Variants in VAV1 observed in about 807,000 individuals in gnomAD.
VAV1 encodes the protein proto-oncogene vav.
VAV1 carries 33 observed loss-of-function variants against 128.1 expected under a neutral mutation model. The ratio of observed to expected loss-of-function variants is 0.26; its 90% confidence interval spans 0.20 to 0.34. VAV1 has a LOEUF of 0.34. Among genes scored for constraint, VAV1 ranks in the 10% least tolerant of loss-of-function variants. The pLI, the probability that VAV1 is intolerant of heterozygous loss-of-function variation, is 1.00. For synonymous variants in VAV1, 394 were observed against 409.8 expected (o/e 0.96, Z 0.47); for missense variants, 715 against 1,093.7 (o/e 0.65, Z 4.88).
At chr19:6,773,842 C>T (rs1970557287) in intron 1 of VAV1, among the ~76,000 whole-genome samples, 1 of 152,042 alleles carries the variant, frequency 6.6e-6, no homozygotes, top group Non-Finnish European at 1.5e-5. Context: ...TGTCTGGTTC[C>T]CCAGGGCTGC....
In VAV1 at chr19:6,772,801, G is replaced by C. The variant is rs771873669; in HGVS notation, c.-7G>C. ...GGTGCACGGCCGGCCCTGGGCAGGC[G>C]GTAGCCATGGAGCTGTGGCGCCAAT... On this transcript the variant is annotated 5_prime_UTR_variant, in exon 1 of 27. Transcript: ENST00000602142. This position sits in a 1 kb window ranked among gnomAD's most constrained non-coding sequence, Gnocchi z 4.8. 2 of 1,612,078 alleles carry C rather than the reference G, an allele frequency of 1.2e-6. No individual in the cohort carries two copies. Among genetic ancestry groups the C allele is most frequent in the Non-Finnish European group, 1.7e-6 (2 of 1,179,344 alleles).
At chr19:6,817,060 T>A (rs959515486) in intron 1 of VAV1, among the ~76,000 whole-genome samples, 17 of 151,858 alleles carry the variant, frequency 1.1e-4, no homozygotes, top group African/African-American at 3.6e-4. Context: ...ATTTTTTTTT[T>A]CTTTTGAGAT....
intron 1 of VAV1, among the ~76,000 whole-genome samples, chr19:6,813,358 A>G (rs1298387669): frequency 6.6e-6 from 1 of 152,182 alleles, no homozygotes; most frequent in East Asian, 1.9e-4. Context: ...GAGCTTCGAT[A>G]TGTTTCATTA....
rs1451124210 is a variant in VAV1 at position 6,853,099 on chromosome 19, G to A, written c.2332+20G>A. ...CAGCAGGTAGGAGGTCTCAGACTGG[G>A]GGCTTACAGCCTCAGCCCCTTCCCA... On this transcript the variant is annotated intron_variant, in intron 25 of 26. Coordinates refer to ENST00000602142, the MANE Select transcript of VAV1 (RefSeq NM_005428.4). 3 of 1,606,896 alleles carry A rather than the reference G, an allele frequency of 1.9e-6. No homozygotes were observed. The highest frequency in any genetic ancestry group is 2.2e-5 in the South Asian group (2 of 90,890).
chr19:6,814,669 T>TC (rs1971587510), intron 1 of VAV1, among the ~76,000 whole-genome samples: 1 of 99,654 alleles, frequency 1.0e-5, no homozygotes, highest in African/African-American at 5.7e-5. Flanking sequence ...CCTTCCTTCC[T>TC]TCCTTTCTTT....
At chr19:6,829,260 C>G (rs1163007603) in intron 13 of VAV1, among the ~76,000 whole-genome samples, 2 of 148,386 alleles carry the variant, frequency 1.3e-5, no homozygotes. Context: ...TGGAGCAAAC[C>G]ATATCTGTGG....
At chr19:6,800,083 A>C (rs1971232326) in intron 1 of VAV1, among the ~76,000 whole-genome samples, 1 of 151,818 alleles carries the variant, frequency 6.6e-6, no homozygotes, top group Non-Finnish European at 1.5e-5. Flanking sequence ...GGATTGCTGG[A>C]GCCTAGGAGT....
chr19:6,815,535 C>A (rs776213387), intron 1 of VAV1, among the ~76,000 whole-genome samples: 2 of 152,160 alleles, frequency 1.3e-5, no homozygotes, highest in African/African-American at 4.8e-5. Context: ...GTTCATGTTC[C>A]ATATGCAATG....
intron 21 of VAV1, among the ~76,000 whole-genome samples, chr19:6,840,893 C>G (rs1333044074): frequency 1.3e-5 from 2 of 152,020 alleles, no homozygotes; most frequent in African/African-American, 4.8e-5. Flanking sequence ...GATTCTCCCA[C>G]TTCAGCCTCG....
chr19:6,833,937 A>G lies in VAV1; in HGVS notation c.1761A>G (p.Lys587=). The change falls in exon 19 of 27, where the codon AAA becomes AAG. Residue 587 remains lysine, a synonymous_variant. Coordinates refer to ENST00000602142, the MANE Select transcript of VAV1 (RefSeq NM_005428.4). ...KDKLHRRAQD[K]KRNELGLPKM... is the part of the protein sequence containing the mutation. ...AACTACATCGCAGGGCTCAGGACAAAAAGAGGAATGAGCTGGGTGAGTTGG... is the reference window on the plus strand; with the variant it reads ...AACTACATCGCAGGGCTCAGGACAAGAAGAGGAATGAGCTGGGTGAGTTGG... 3.1e-6 allele frequency: 5 copies of G among 1,614,032 alleles called. No homozygotes were observed. The highest frequency in any genetic ancestry group is 4.2e-6 in the Non-Finnish European group (5 of 1,180,016).
intron 19 of VAV1, among the ~76,000 whole-genome samples, chr19:6,834,246 A>T (rs115959759): frequency 0.015 from 2,298 of 151,432 alleles, 62 homozygotes; most frequent in African/African-American, 0.048. Flanking sequence ...TTAATTAATT[A>T]ATTTATTTAT....
chr19:6,830,990 G>A (rs892781725), intron 14 of VAV1, among the ~76,000 whole-genome samples: 4 of 152,150 alleles, frequency 2.6e-5, no homozygotes, highest in African/African-American at 9.7e-5. Context: ...TACATGGGAG[G>A]CTGAGGTGGG....
intron 1 of VAV1, among the ~76,000 whole-genome samples, chr19:6,814,490 C>T (rs747654381): frequency 1.3e-5 from 2 of 151,930 alleles, no homozygotes; most frequent in Non-Finnish European, 2.9e-5. Context: ...ACACTTAGTA[C>T]ACTTTGTATA....
Position 6,822,008 on chromosome 19 carries a change from C to A in VAV1, c.449+149C>A. The A allele has an allele frequency of 8.5e-7, 1 of 1,179,960 alleles. No individual in the cohort carries two copies. Among genetic ancestry groups the A allele is most frequent in the Non-Finnish European group, 1.2e-6 (1 of 806,248 alleles). The allele number at this position is 1,179,960 out of a possible 1,614,324, so 73.1% of individuals were successfully genotyped here. On this transcript the variant is annotated intron_variant, in intron 4 of 26. Transcript: ENST00000602142. The surrounding 1 kb of genome is among the most constrained non-coding windows in gnomAD (Gnocchi z 5.9). ...CCTTGCCTGAGAGTCTGGGGAGACA[C>A]AGCCCTGCCCTGGGGTCTTGGGGGA...
At chr19:6,789,535 GC>G (rs1970971155) in intron 1 of VAV1, among the ~76,000 whole-genome samples, 1 of 151,666 alleles carries the variant, frequency 6.6e-6, no homozygotes, top group African/African-American at 2.4e-5. Flanking sequence ...TCAGGCATGA[GC>G]CACCGCACCC....
intron 1 of VAV1, among the ~76,000 whole-genome samples, chr19:6,793,813 T>C (rs574247094): frequency 4.6e-5 from 7 of 152,256 alleles, no homozygotes; most frequent in African/African-American, 1.7e-4. Context: ...GTGACTCAGT[T>C]TCCCTATCTT....
intron 25 of VAV1, 33 bp downstream of exon 25, chr19:6,853,112 C>T (rs755884049): frequency 6.3e-7 from 1 of 1,595,700 alleles, no homozygotes; most frequent in Non-Finnish European, 8.6e-7. Context: ...CTTACAGCCT[C>T]AGCCCCTTCC....
intron 1 of VAV1, among the ~76,000 whole-genome samples, chr19:6,817,974 C>CTG (rs1971695152): frequency 6.6e-6 from 1 of 152,178 alleles, no homozygotes; most frequent in Admixed American, 6.6e-5. Context: ...GCATGAGCCA[C>CTG]CACGCCCAGC....
Position 6,822,565 on chromosome 19 carries a change from C to G in VAV1, c.654+51C>G. ...CCGGGCGCATGCGCGGGAGCTGGGCCGGCAGGTGCACGTCCACCTGTCCGG... is the reference window on the plus strand; with the variant it reads ...CCGGGCGCATGCGCGGGAGCTGGGCGGGCAGGTGCACGTCCACCTGTCCGG... On this transcript the variant is annotated intron_variant, in intron 6 of 26. Coordinates refer to ENST00000602142, the MANE Select transcript of VAV1 (RefSeq NM_005428.4). The surrounding 1 kb of genome is among the most constrained non-coding windows in gnomAD (Gnocchi z 5.9). 6.6e-7 allele frequency: 1 copy of G among 1,510,258 alleles called. No homozygotes were observed. The highest frequency in any genetic ancestry group is 8.9e-7 in the Non-Finnish European group (1 of 1,122,018). 93.6% of individuals were successfully genotyped at this position (1,510,258 alleles called of 1,614,324 possible). A position where few individuals can be genotyped will look rare whatever the true frequency, so the allele number is the denominator to read the frequency against.
Sources: gnomAD v4.1 joint callset for allele counts (sites outside exome capture counted in the v4.1 genomes callset) on GRCh38, gnomAD v4.1.1 for gene constraint, Gnocchi (gnomAD v3.1) non-coding constraint, MANE v1.5 for transcripts, NCBI Gene and HGNC (gene_info 2026-07-23, HGNC 2026-07-21) for gene names.